PCLO: variants seen among roughly 807,000 people sequenced by gnomAD.
PCLO encodes the protein piccolo presynaptic cytomatrix protein.
In PCLO, 82 loss-of-function variants were observed where a neutral mutation model predicts 427.5. The observed-to-expected ratio is 0.19, with a 90% CI of 0.16 to 0.23. The LOEUF (loss-of-function observed/expected upper bound fraction) is 0.23. PCLO is among the 10% of genes least tolerant of loss of function. PCLO has a pLI of 1.00. For missense variants in PCLO, 6,239 were observed against 6,115.9 expected, an observed-to-expected ratio of 1.02 and a Z score of -0.67; for synonymous variants, 2,357 against 2,155.4, an observed-to-expected ratio of 1.09 and a Z score of -2.59.
chr7:82,887,830 G>A lies in PCLO; in HGVS notation c.13529-8368C>T, dbSNP rs117690004. Among the ~76,000 whole-genome samples, 449 of 152,248 alleles carry A rather than the reference G, an allele frequency of 2.9e-3. 1 individual carries two copies. Among genetic ancestry groups the A allele is most frequent in the Non-Finnish European group, 3.2e-3 (219 of 68,022 alleles). ...TACAATGAAAAAGCGAACACTTTGG[G>A]AGGCCAAGGCGGGCTAATCACGAGG... On this transcript the variant is annotated intron_variant, in intron 9 of 24. Transcript: ENST00000333891.
intron 3 of PCLO, among the ~76,000 whole-genome samples, chr7:82,971,851 T>C (rs1163499606): frequency 6.6e-6 from 1 of 151,320 alleles, no homozygotes; most frequent in Non-Finnish European, 1.5e-5. Flanking sequence ...AAAAACATGC[T>C]AATCATCCTT....
chr7:82,888,487 C>T (rs1793680042), intron 9 of PCLO, among the ~76,000 whole-genome samples: 1 of 152,142 alleles, frequency 6.6e-6, no homozygotes, highest in Admixed American at 6.5e-5. Context: ...CATTTGAGAA[C>T]AGCAGTATAC....
Position 82,879,363 on chromosome 7 carries a change from G to A in PCLO, c.13628C>T (p.Ala4543Val), listed in dbSNP as rs775519396. Residue 4543 changes from alanine to valine, a missense_variant, in exon 10 of 25, where the codon GCG becomes GTG. By Grantham distance (64) the Ala-to-Val change is moderately conservative. Coordinates refer to ENST00000333891, the MANE Select transcript of PCLO (RefSeq NM_033026.6). ...YIAKILPGGS[A>V]EQTGKLMEGM... ...TTCCATAAGCTTCCCCGTCTGTTCCGCACTTCCCCCAGGAAGAATCTTGGC... is the reference window on the plus strand; with the variant it reads ...TTCCATAAGCTTCCCCGTCTGTTCCACACTTCCCCCAGGAAGAATCTTGGC... The A allele has an allele frequency of 5.0e-6, 8 of 1,611,498 alleles. No homozygotes were observed. Among genetic ancestry groups the A allele is most frequent in the African/African-American group, 2.7e-5 (2 of 74,728 alleles).
chr7:82,908,457 GTTCT>G (rs1794244097), intron 8 of PCLO, among the ~76,000 whole-genome samples: 1 of 151,992 alleles, frequency 6.6e-6, no homozygotes, highest in African/African-American at 2.4e-5. Context: ...CAGGTTAAGC[GTTCT>G]TTCTATCCCA....
intron 6 of PCLO, among the ~76,000 whole-genome samples, chr7:82,917,210 T>C (rs1368890498): frequency 6.6e-6 from 1 of 152,136 alleles, no homozygotes; most frequent in East Asian, 1.9e-4. Context: ...GTTGGAGATG[T>C]TCATTCACCA....
chr7:82,775,730 C>T (rs1417534632), intron 22 of PCLO, among the ~76,000 whole-genome samples: 1 of 151,942 alleles, frequency 6.6e-6, no homozygotes, highest in Non-Finnish European at 1.5e-5. Flanking sequence ...TAATGAAGTC[C>T]GATTATTGAA....
chr7:83,144,639 T>C (rs546637184), intron 2 of PCLO, among the ~76,000 whole-genome samples: 1 of 152,330 alleles, frequency 6.6e-6, no homozygotes, highest in East Asian at 1.9e-4. Context: ...TTAATCTGCA[T>C]TACATTATTT....
intron 4 of PCLO, among the ~76,000 whole-genome samples, chr7:82,961,844 T>C (rs1303803449): frequency 1.3e-5 from 2 of 152,158 alleles, no homozygotes; most frequent in Admixed American, 6.5e-5. Context: ...GTAGTTACAA[T>C]AGATCACCTA....
intron 9 of PCLO, among the ~76,000 whole-genome samples, chr7:82,896,262 G>A (rs781417713): frequency 5.9e-5 from 9 of 151,694 alleles, no homozygotes; most frequent in African/African-American, 9.6e-5. Context: ...AAAATCTCAC[G>A]GAAAAACAAA....
chr7:82,855,613 AC>A (rs1394392502), intron 10 of PCLO, among the ~76,000 whole-genome samples: 1 of 152,170 alleles, frequency 6.6e-6, no homozygotes, highest in African/African-American at 2.4e-5. Flanking sequence ...ACATTATTGA[AC>A]GAAGAGAAAG....
In PCLO at chr7:83,134,682, T is replaced by C. The variant is rs1439515519; in HGVS notation, c.2868A>G (p.Ser956=). The C allele has an allele frequency of 1.2e-6, 2 of 1,613,624 alleles. No individual in the cohort carries two copies. The highest frequency in any genetic ancestry group is 1.7e-6 in the Non-Finnish European group (2 of 1,179,778). ...ISTAGQPGPH[S]QSGPGAPMKQ... ...TCATTGGGGCCCCTGGTCCACTTTG[T>C]GAATGAGGTCCAGGTTGGCCTGCAG... Residue 956 remains serine, a synonymous_variant, in exon 3 of 25, where the codon TCA becomes TCG. Transcript: ENST00000333891.
intron 22 of PCLO, among the ~76,000 whole-genome samples, chr7:82,779,389 T>G (rs1790821887): frequency 6.6e-6 from 1 of 152,206 alleles, no homozygotes; most frequent in African/African-American, 2.4e-5. Context: ...CAACTTTAGA[T>G]GCATTTTCTG....
chr7:83,154,490 AG>A (rs1792215686), intron 2 of PCLO, among the ~76,000 whole-genome samples: 1 of 152,194 alleles, frequency 6.6e-6, no homozygotes. Context: ...GAGTGAAATG[AG>A]TAGATGCCCA....
At chr7:83,050,032 C>A (rs1789194832) in intron 3 of PCLO, among the ~76,000 whole-genome samples, 4 of 148,746 alleles carry the variant, frequency 2.7e-5, no homozygotes, top group African/African-American at 9.9e-5. Flanking sequence ...GTCTTCTTTC[C>A]CTAAGTACTA....
chr7:83,038,037 ATTTATATATATATCTT>A (rs1562933031), intron 3 of PCLO, among the ~76,000 whole-genome samples: 14 of 33,814 alleles, frequency 4.1e-4, no homozygotes, highest in East Asian at 1.8e-3. Flanking sequence ...ATATTTATAT[ATTTATATATATATCTT>A]TATATATATA....
At chr7:82,805,494 T>C (rs1791438314) in intron 21 of PCLO, among the ~76,000 whole-genome samples, 194 bp downstream of exon 21, 1 of 152,192 alleles carries the variant, frequency 6.6e-6, no homozygotes, top group Admixed American at 6.6e-5. Flanking sequence ...GTGACTAACA[T>C]TTATCCTTAG....
At chr7:82,886,099 GAAGCC>G (rs1477489829) in intron 9 of PCLO, among the ~76,000 whole-genome samples, 2 of 152,140 alleles carry the variant, frequency 1.3e-5, no homozygotes, top group Non-Finnish European at 2.9e-5. Context: ...AAAGGTGTTG[GAAGCC>G]AGCATTTCTC....
At position 82,830,983 on chromosome 7, in the gene PCLO, C is replaced by T. The variant is rs186162575; in HGVS notation, c.14250-3017G>A. On this transcript the variant is annotated intron_variant, in intron 16 of 24. Coordinates refer to ENST00000333891, the MANE Select transcript of PCLO (RefSeq NM_033026.6). Reference sequence around the variant, plus strand: ...TGTAGATGTCTATCAACTAAAAAACCCTTAATTGTATTGACATATGAGTAT... The same window carrying T: ...TGTAGATGTCTATCAACTAAAAAACTCTTAATTGTATTGACATATGAGTAT... Among the ~76,000 whole-genome samples, 18 of 151,906 alleles carry T rather than the reference C, an allele frequency of 1.2e-4. No homozygotes were observed. The East Asian group carries it at 2.9e-3, about 24-fold the overall frequency.
At chr7:83,002,792 T>G (rs1022450153) in intron 3 of PCLO, among the ~76,000 whole-genome samples, 10 of 151,928 alleles carry the variant, frequency 6.6e-5, no homozygotes, top group Non-Finnish European at 1.2e-4. Flanking sequence ...AGCCATTCAT[T>G]CATTCATTTA....
Sources: gnomAD v4.1 joint callset for allele counts (sites outside exome capture counted in the v4.1 genomes callset) on GRCh38, gnomAD v4.1.1 for gene constraint, MANE v1.5 for transcripts, NCBI Gene and HGNC (gene_info 2026-07-23, HGNC 2026-07-21) for gene names.